The following SULT1E1 variants were observed in gnomAD, a reference collection of about 807,000 sequenced individuals.
SULT1E1 encodes the protein sulfotransferase 1E1.
In SULT1E1, 36 loss-of-function variants were observed where a neutral mutation model predicts 33.6. The observed-to-expected ratio is 1.07, with a 90% confidence interval of 0.82 to 1.41. The LOEUF is 1.41. Among genes scored for constraint, SULT1E1 ranks in the 40% most tolerant of loss-of-function variants. The probability of loss-of-function intolerance (pLI) is 0.00; values close to 1 mark genes in which losing one functional copy is unlikely to be tolerated. For synonymous variants in SULT1E1, 121 were observed against 111.7 expected (o/e 1.08, Z -0.53); for missense variants, 371 against 345.7 (o/e 1.07, Z -0.58).
chr4:69,834,188 C>G, the SULT1E1 span, among the ~76,000 whole-genome samples: 1 of 152,168 alleles, frequency 6.6e-6, no homozygotes, highest in East Asian at 1.9e-4. Context: ...ATATCCACTT[C>G]TACATTTAAG....
At position 69,855,429 on chromosome 4, in the gene SULT1E1, G is replaced by A; in HGVS notation, c.146-3C>T. On this transcript the variant is annotated splice_polypyrimidine_tract_variant and splice_region_variant and intron_variant, in intron 2 of 7. Coordinates refer to ENST00000226444, the MANE Select transcript of SULT1E1 (RefSeq NM_005420.3). ...AATTTCACTAACCCAGGTTGTACCT[G>A]TAAAAATTAAATAAACCTGAGTCTC... 6.2e-7 allele frequency: 1 copy of A among 1,604,790 alleles called. No individual in the cohort carries two copies.
At chr4:69,837,167 C>A (rs1409119782), downstream of SULT1E1, among the ~76,000 whole-genome samples, 5 of 151,818 alleles carry the variant, frequency 3.3e-5, no homozygotes, top group Admixed American at 3.3e-4. Flanking sequence ...GATCTGGGAG[C>A]AGGTTTTCAC....
chr4:69,824,825 G>A, the SULT1E1 span, among the ~76,000 whole-genome samples: 1 of 152,170 alleles, frequency 6.6e-6, no homozygotes, highest in South Asian at 2.1e-4. Flanking sequence ...GACGTGGGCA[G>A]GGCCAAATAA....
At chr4:69,830,210 G>T in the SULT1E1 span, among the ~76,000 whole-genome samples, 1 of 152,196 alleles carries the variant, frequency 6.6e-6, no homozygotes, top group African/African-American at 2.4e-5. Flanking sequence ...AAGGGCTGCT[G>T]CCAGCAAATC....
Position 69,854,255 on chromosome 4 carries a change from C to T in SULT1E1, c.331G>A (p.Glu111Lys), listed in dbSNP as rs757187819. Residue 111 changes from glutamate (E) to lysine (K), a missense_variant, in exon 4 of 8, where the codon GAA becomes AAA. By Grantham distance (56) the Glu-to-Lys change is moderately conservative (BLOSUM62 1). Coordinates refer to ENST00000226444, the MANE Select transcript of SULT1E1 (RefSeq NM_005420.3). ...PRIVKTHLPP[E>K]LLPASFWEKD... ...TCCCAAAATGAGGCAGGAAGAAGTT[C>T]AGGTGGCAAATGAGTCTTCACAATT... 3.7e-6 allele frequency: 6 copies of T among 1,611,894 alleles called. No individual in the cohort carries two copies. Among genetic ancestry groups the T allele is most frequent in the Non-Finnish European group, 4.2e-6 (5 of 1,178,704 alleles).
chr4:69,854,189 A>T lies in SULT1E1; in HGVS notation c.369+28T>A, dbSNP rs180780633. 5.3e-5 allele frequency: 82 copies of T among 1,536,290 alleles called. No homozygotes were observed. In the African/African-American group the frequency reaches 8.5e-4, roughly 16 times the overall value. Reference sequence around the variant, plus strand: ...TCTATCATTTCTTGGAATTGGATGAAGTTTTGAGAACACTTGACTCTGGTT... The same window carrying T: ...TCTATCATTTCTTGGAATTGGATGATGTTTTGAGAACACTTGACTCTGGTT... On this transcript the variant is annotated intron_variant, in intron 4 of 7. Transcript: ENST00000226444.
the SULT1E1 span, among the ~76,000 whole-genome samples, chr4:69,826,846 C>T: frequency 6.6e-6 from 1 of 152,158 alleles, no homozygotes; most frequent in African/African-American, 2.4e-5. Flanking sequence ...CACAACTATG[C>T]AAATCTTGCA....
Position 69,847,717 on chromosome 4 carries a change from A to G in SULT1E1, c.572T>C (p.Phe191Ser), listed in dbSNP as rs370876189. The G allele has an allele frequency of 4.4e-5, 70 of 1,605,030 alleles. No individual in the cohort carries two copies. In the African/African-American group the frequency reaches 7.8e-4, roughly 18 times the overall value. Residue 191 changes from phenylalanine to serine, a missense_variant, in exon 6 of 8, where the codon TTC becomes TCC. Phe to Ser is a radical substitution (Grantham distance 155). Transcript: ENST00000226444. Reference sequence around the variant, plus strand: ...CCTCACCTCTTTCAGGTCTTCGTAGAAAAGAAATAGTACACGTGGACTCTT... The same window carrying G: ...CCTCACCTCTTTCAGGTCTTCGTAGGAAAGAAATAGTACACGTGGACTCTT... ...KGKSPRVLFL[F>S]YEDLKEDIRK...
At chr4:69,849,686 G>A in intron 4 of SULT1E1, 123 bp from the exon 5 acceptor site, 1 of 836,326 alleles carries the variant, frequency 1.2e-6, no homozygotes, top group Non-Finnish European at 1.8e-6. Flanking sequence ...TTTACAAAAT[G>A]CATAAGACAT....
chr4:69,843,145 T>C (rs1305458103), intron 7 of SULT1E1, among the ~76,000 whole-genome samples: 1 of 152,068 alleles, frequency 6.6e-6, no homozygotes, highest in East Asian at 1.9e-4. Context: ...CCACCTTCTT[T>C]TTTAAACTAT....
At chr4:69,849,687 C>T (rs559063505) in intron 4 of SULT1E1, 124 bp from the exon 5 acceptor site, 1 of 828,246 alleles carries the variant, frequency 1.2e-6, no homozygotes, top group Admixed American at 3.4e-5. Context: ...TTACAAAATG[C>T]ATAAGACATG....
At chr4:69,850,636 C>G (rs1020619668) in intron 4 of SULT1E1, among the ~76,000 whole-genome samples, 1 of 152,052 alleles carries the variant, frequency 6.6e-6, no homozygotes, top group Non-Finnish European at 1.5e-5. Flanking sequence ...TTCTTTTCAT[C>G]TATTAGCTGA....
the SULT1E1 span, among the ~76,000 whole-genome samples, chr4:69,830,911 C>CTGCCCCCTGGATGTGGCCA: frequency 6.6e-6 from 1 of 152,234 alleles, no homozygotes; most frequent in Non-Finnish European, 1.5e-5. Flanking sequence ...AAAGCTCACT[C>CTGCCCCCTGGATGTGGCCA]TGCCCCCTGG....
At chr4:69,827,006 AGCTATCG>A in the SULT1E1 span, among the ~76,000 whole-genome samples, 408 of 151,896 alleles carry the variant, frequency 2.7e-3, 3 homozygotes, top group African/African-American at 9.2e-3. Context: ...AAAATCCCCC[AGCTATCG>A]GTTATGTCGC....
At chr4:69,825,183 T>C in the SULT1E1 span, among the ~76,000 whole-genome samples, 3 of 151,936 alleles carry the variant, frequency 2.0e-5, no homozygotes, top group Non-Finnish European at 4.4e-5. Flanking sequence ...TGTGCCACTT[T>C]AGGAGCTGTA....
intron 4 of SULT1E1, among the ~76,000 whole-genome samples, chr4:69,849,845 T>A (rs528140397): frequency 8.0e-4 from 121 of 152,112 alleles, no homozygotes; most frequent in African/African-American, 2.6e-3. Context: ...ATTTTATCAA[T>A]ATAAATTAAG....
the SULT1E1 span, among the ~76,000 whole-genome samples, chr4:69,830,171 C>T: frequency 2.0e-5 from 3 of 152,238 alleles, no homozygotes; most frequent in Non-Finnish European, 4.4e-5. Flanking sequence ...ATGTTTGTGT[C>T]CCCTTGCAAA....
At chr4:69,828,026 A>T in the SULT1E1 span, among the ~76,000 whole-genome samples, 6,720 of 152,302 alleles carry the variant, frequency 0.044, 217 homozygotes, top group East Asian at 0.082. Context: ...GAAGCCCCCA[A>T]CCAGATGATC....
At chr4:69,852,074 G>A (rs1284490036) in intron 4 of SULT1E1, among the ~76,000 whole-genome samples, 1 of 152,048 alleles carries the variant, frequency 6.6e-6, no homozygotes, top group African/African-American at 2.4e-5. Context: ...GTATACATAT[G>A]TAACAAACCT....
Sources: gnomAD v4.1 joint callset for allele counts (sites outside exome capture counted in the v4.1 genomes callset) on GRCh38, gnomAD v4.1.1 for gene constraint, MANE v1.5 for transcripts, NCBI Gene and HGNC (gene_info 2026-07-23, HGNC 2026-07-21) for gene names.